GRIK2: variants seen among roughly 807,000 people sequenced by gnomAD.
The protein encoded by GRIK2 is glutamate ionotropic receptor kainate type subunit 2.
Under a neutral mutation model 100.3 loss-of-function variants are expected in GRIK2, and 32 were observed. The ratio of observed to expected loss-of-function variants is 0.32; its 90% confidence interval spans 0.24 to 0.43. The LOEUF (loss-of-function observed/expected upper bound fraction) is 0.43. Among genes scored for constraint, GRIK2 ranks in the 20% least tolerant of loss-of-function variants. The pLI is 1.00. For synonymous variants in GRIK2, 417 were observed against 389.4 expected (o/e 1.07, Z -0.83); for missense variants, 843 against 1,114.9 (o/e 0.76, Z 3.47).
rs770022683 is a variant in GRIK2 at position 101,626,443 on chromosome 6, A to G, written c.347A>G (p.Asn116Ser). The stretch of plus-strand genomic sequence containing the variant: ...GGGCCTTCACACAGCTCATCAGCAA[A>G]CGCAGTGCAGTCCATCTGCAATGCT... Reference protein sequence around the residue: ...IFGPSHSSSANAVQSICNALG... With the variant: ...IFGPSHSSSASAVQSICNALG... Residue 116 changes from asparagine to serine, a missense_variant, in exon 4 of 17, where the codon AAC becomes AGC. By Grantham distance (46) the Asn-to-Ser change is conservative. Coordinates refer to ENST00000369134, the MANE Select transcript of GRIK2 (RefSeq NM_021956.5). 1.2e-5 allele frequency: 19 copies of G among 1,613,556 alleles called. No homozygotes were observed. The East Asian group carries it at 4.2e-4, about 36-fold the overall frequency.
chr6:101,492,178 A>T (rs958028252), intron 2 of GRIK2, among the ~76,000 whole-genome samples: 2 of 151,822 alleles, frequency 1.3e-5, no homozygotes, highest in African/African-American at 4.8e-5. Context: ...TTATATCTAG[A>T]TTACCTTTTA....
chr6:101,485,454 C>T (rs1035470133), intron 2 of GRIK2, among the ~76,000 whole-genome samples: 2 of 152,078 alleles, frequency 1.3e-5, no homozygotes, highest in Non-Finnish European at 2.9e-5. Context: ...AACTTTGTTT[C>T]ACTTTTAAGA....
At chr6:101,864,594 T>C (rs962819328) in intron 11 of GRIK2, among the ~76,000 whole-genome samples, 7 of 152,216 alleles carry the variant, frequency 4.6e-5, no homozygotes, top group African/African-American at 1.7e-4. Flanking sequence ...TGCATAGGCC[T>C]TAATGTGCTG....
At chr6:102,010,043 T>G (rs943736826) in intron 14 of GRIK2, among the ~76,000 whole-genome samples, 1 of 152,042 alleles carries the variant, frequency 6.6e-6, no homozygotes, top group Non-Finnish European at 1.5e-5. Context: ...TTAGAGCATT[T>G]TAAAGTTCAC....
At chr6:101,630,716 T>A (rs1780692963) in intron 4 of GRIK2, among the ~76,000 whole-genome samples, 1 of 152,154 alleles carries the variant, frequency 6.6e-6, no homozygotes, top group African/African-American at 2.4e-5. Flanking sequence ...GCAAGATGAC[T>A]ATTTGATGAT....
intron 4 of GRIK2, among the ~76,000 whole-genome samples, chr6:101,666,197 G>C (rs1770017096): frequency 6.6e-6 from 1 of 152,148 alleles, no homozygotes; most frequent in Non-Finnish European, 1.5e-5. Flanking sequence ...AAACAATGTA[G>C]GTTAAAATTG....
chr6:101,853,911 G>A (rs1410494334), intron 10 of GRIK2, among the ~76,000 whole-genome samples: 1 of 152,188 alleles, frequency 6.6e-6, no homozygotes, highest in East Asian at 1.9e-4. Context: ...ATTAACGGTT[G>A]CCAGGAGTTA....
intron 7 of GRIK2, among the ~76,000 whole-genome samples, chr6:101,794,338 A>G (rs1415487010): frequency 1.3e-5 from 2 of 151,778 alleles, no homozygotes; most frequent in Non-Finnish European, 2.9e-5. Context: ...AGCTGTTCCT[A>G]TTCGGTCATC....
At chr6:102,018,570 G>A (rs559819057) in intron 14 of GRIK2, among the ~76,000 whole-genome samples, 119 of 152,100 alleles carry the variant, frequency 7.8e-4, no homozygotes, top group African/African-American at 2.7e-3. Flanking sequence ...ATCAGCTTAG[G>A]ATTTTCCACC....
chr6:101,428,128 T>C (rs1769152160), intron 2 of GRIK2, among the ~76,000 whole-genome samples: 1 of 152,206 alleles, frequency 6.6e-6, no homozygotes, highest in Admixed American at 6.5e-5. Flanking sequence ...GTCAGCGATT[T>C]TGTTTCATGT....
chr6:101,704,292 T>C lies in GRIK2; in HGVS notation c.951+17939T>C, dbSNP rs545949559. On this transcript the variant is annotated intron_variant, in intron 7 of 16. Transcript: ENST00000369134. ...TAATACCAAATCATAGAAGTTAGAA[T>C]GGAAGTAAGGGAATGTGTGAGGTGC... Among the ~76,000 whole-genome samples, 69 of 151,732 alleles carry C rather than the reference T, an allele frequency of 4.5e-4. No homozygotes were observed. In the South Asian group the frequency reaches 0.013, roughly 30 times the overall value.
At chr6:101,433,038 C>T (rs527619932) in intron 2 of GRIK2, among the ~76,000 whole-genome samples, 4 of 152,120 alleles carry the variant, frequency 2.6e-5, no homozygotes, top group Non-Finnish European at 5.9e-5. Context: ...GAGACACAAA[C>T]GCTGAGTTGA....
chr6:101,606,604 C>G (rs1779447645), intron 2 of GRIK2, among the ~76,000 whole-genome samples: 1 of 151,990 alleles, frequency 6.6e-6, no homozygotes, highest in African/African-American at 2.4e-5. Context: ...GACTAGAACC[C>G]CAGACTCTGA....
chr6:101,613,573 A>C (rs550528909), intron 2 of GRIK2, among the ~76,000 whole-genome samples: 1 of 151,798 alleles, frequency 6.6e-6, no homozygotes, highest in South Asian at 2.1e-4. Context: ...AAAAAAGTAC[A>C]TCACAAACAT....
intron 11 of GRIK2, among the ~76,000 whole-genome samples, chr6:101,869,422 C>T (rs1785248925): frequency 6.6e-6 from 1 of 151,838 alleles, no homozygotes; most frequent in Non-Finnish European, 1.5e-5. Flanking sequence ...TGCCTTCATC[C>T]ATATAATTTC....
At chr6:101,799,513 A>G in intron 7 of GRIK2, 135 bp from the exon 8 acceptor site, 2 of 656,968 alleles carry the variant, frequency 3.0e-6, no homozygotes, top group Non-Finnish European at 2.7e-6. Flanking sequence ...TGTTAGAGAT[A>G]ACGTTTTCTT....
chr6:101,767,906 G>A (rs59522262), intron 7 of GRIK2, among the ~76,000 whole-genome samples: 8,631 of 151,694 alleles, frequency 0.057, 647 homozygotes, highest in African/African-American at 0.18. Context: ...CACCCAGGCC[G>A]GAGTGCAGTG....
intron 10 of GRIK2, among the ~76,000 whole-genome samples, chr6:101,858,567 T>G (rs1407629217): frequency 6.6e-6 from 1 of 151,640 alleles, no homozygotes; most frequent in Non-Finnish European, 1.5e-5. Context: ...TTTTTGTATT[T>G]TTTAGTAGAG....
intron 4 of GRIK2, among the ~76,000 whole-genome samples, chr6:101,642,899 A>G (rs1026890414): frequency 1.8e-4 from 28 of 151,612 alleles, no homozygotes; most frequent in African/African-American, 6.8e-4. Context: ...ACATATATAT[A>G]TATTTTAATT....
Sources: gnomAD v4.1 joint callset for allele counts (sites outside exome capture counted in the v4.1 genomes callset) on GRCh38, gnomAD v4.1.1 for gene constraint, MANE v1.5 for transcripts, NCBI Gene and HGNC (gene_info 2026-07-23, HGNC 2026-07-21) for gene names.